RGS7BP: variants seen among roughly 807,000 people sequenced by gnomAD.
The protein encoded by RGS7BP is regulator of G protein signaling 7 binding protein, also known as regulator of G protein signaling 7-binding protein.
A neutral mutation model predicts 31.3 loss-of-function variants in RGS7BP; 9 were observed. That is an observed-to-expected ratio of 0.29 (90% confidence interval 0.17 to 0.50). The LOEUF (loss-of-function observed/expected upper bound fraction) is 0.50. Ranked by LOEUF, RGS7BP falls within the 20% of genes least tolerant of loss-of-function variation. The probability of loss-of-function intolerance (pLI) is 0.98; values close to 1 mark genes in which losing one functional copy is unlikely to be tolerated. For synonymous variants in RGS7BP, 115 were observed against 120.1 expected (o/e 0.96, Z 0.28); for missense variants, 274 against 322.0 (o/e 0.85, Z 1.14).
chr5:64,550,526 G>GAGATAC (rs200721705), intron 2 of RGS7BP, among the ~76,000 whole-genome samples: 3,382 of 150,170 alleles, frequency 0.023, 149 homozygotes, highest in African/African-American at 0.078. Context: ...TTGGTGAGGG[G>GAGATAC]ATTCAGGCCA....
At chr5:64,537,382 T>C (rs1366625603) in intron 2 of RGS7BP, among the ~76,000 whole-genome samples, 1 of 152,208 alleles carries the variant, frequency 6.6e-6, no homozygotes, top group East Asian at 1.9e-4. Flanking sequence ...GGTTACAAGC[T>C]TGGTTTAGGC....
At chr5:64,544,999 A>C (rs1194358015) in intron 2 of RGS7BP, among the ~76,000 whole-genome samples, 2 of 152,094 alleles carry the variant, frequency 1.3e-5, no homozygotes, top group African/African-American at 4.8e-5. Context: ...ACATGGCGAA[A>C]ACCCCGTCTC....
At chr5:64,508,394 G>A (rs1410053349) in intron 2 of RGS7BP, among the ~76,000 whole-genome samples, 3 of 152,114 alleles carry the variant, frequency 2.0e-5, no homozygotes, top group Non-Finnish European at 1.5e-5. Flanking sequence ...TGATAGGAAG[G>A]GGTAAGTTTT....
intron 4 of RGS7BP, among the ~76,000 whole-genome samples, chr5:64,596,402 C>G (rs1170697185): frequency 6.6e-6 from 1 of 152,206 alleles, no homozygotes; most frequent in Admixed American, 6.5e-5. Flanking sequence ...CTGGGCCCCA[C>G]TATAAGCCAA....
chr5:64,567,364 A>G (rs7708014), intron 2 of RGS7BP, among the ~76,000 whole-genome samples: 129,149 of 152,114 alleles, frequency 0.85, 55,128 homozygotes, highest in African/African-American at 0.91. Context: ...AATTATTAAA[A>G]TATTGATCAA....
In RGS7BP at chr5:64,596,349, G is replaced by T. The variant is rs535425177; in HGVS notation, c.611+1492G>T. Among the ~76,000 whole-genome samples, 16 of 152,270 alleles carry T rather than the reference G, an allele frequency of 1.1e-4. No individual in the cohort carries two copies. The South Asian group carries it at 3.3e-3, about 32-fold the overall frequency. On this transcript the variant is annotated intron_variant, in intron 4 of 5. Transcript: ENST00000334025. ...GAGATCATGGGTCTCAAACTGGACTGCACAGTTAAGTCATCAGGAGGGAAT... is the reference window on the plus strand; with the variant it reads ...GAGATCATGGGTCTCAAACTGGACTTCACAGTTAAGTCATCAGGAGGGAAT...
Position 64,565,306 on chromosome 5 carries a change from T to G in RGS7BP, c.333-10468T>G, listed in dbSNP as rs543384963. ...ACTCCAGTGTAATACATATATTATA[T>G]GCTGCTTACTTGCTCTCTCTTTCTC... is the stretch of plus-strand genomic sequence containing the variant. On this transcript the variant is annotated intron_variant, in intron 2 of 5. Coordinates refer to ENST00000334025, the MANE Select transcript of RGS7BP (RefSeq NM_001029875.3). Among the ~76,000 whole-genome samples, 23 of 152,168 alleles carry G rather than the reference T, an allele frequency of 1.5e-4. 1 individual carries two copies. In the East Asian group the frequency reaches 4.4e-3, roughly 29 times the overall value.
chr5:64,542,196 A>C (rs1224567457), intron 2 of RGS7BP, among the ~76,000 whole-genome samples: 2 of 152,206 alleles, frequency 1.3e-5, no homozygotes, highest in Non-Finnish European at 2.9e-5. Flanking sequence ...CCAACACCAG[A>C]CTTTACTAAT....
At chr5:64,575,157 T>C (rs943369364) in intron 2 of RGS7BP, among the ~76,000 whole-genome samples, 1 of 152,196 alleles carries the variant, frequency 6.6e-6, no homozygotes, top group African/African-American at 2.4e-5. Context: ...GTTCAGTGTT[T>C]ATTTAGCTTT....
At chr5:64,603,555 G>A (rs1272372656) in intron 5 of RGS7BP, among the ~76,000 whole-genome samples, 1 of 152,164 alleles carries the variant, frequency 6.6e-6, no homozygotes, top group East Asian at 1.9e-4. Context: ...TTACAAAGGG[G>A]ACTGAGATGA....
chr5:64,609,633 C>T lies in RGS7BP; in HGVS notation c.*381C>T, dbSNP rs190251699. 7.7e-4 allele frequency: 124 copies of T among 160,470 alleles called. No homozygotes were observed. Among genetic ancestry groups the T allele is most frequent in the Non-Finnish European group, 1.4e-3 (102 of 72,568 alleles). The allele number at this position is 160,470 out of a possible 1,614,324, so 9.9% of individuals were successfully genotyped here. On this transcript the variant is annotated 3_prime_UTR_variant, in exon 6 of 6. Coordinates refer to ENST00000334025, the MANE Select transcript of RGS7BP (RefSeq NM_001029875.3). ...GTATATCTATAGCTCTTGCTGATCTCATGTTAAAATTTATCGTATATGAAA... is the reference window on the plus strand; with the variant it reads ...GTATATCTATAGCTCTTGCTGATCTTATGTTAAAATTTATCGTATATGAAA...
chr5:64,531,457 G>A (rs539840226), intron 2 of RGS7BP, among the ~76,000 whole-genome samples: 3 of 152,236 alleles, frequency 2.0e-5, no homozygotes, highest in South Asian at 2.1e-4. Flanking sequence ...TTTGTTGTTC[G>A]ACATCTTCCA....
At chr5:64,534,328 G>A (rs1387580077) in intron 2 of RGS7BP, among the ~76,000 whole-genome samples, 9 of 152,154 alleles carry the variant, frequency 5.9e-5, no homozygotes, top group Admixed American at 2.6e-4. Flanking sequence ...TCAGGGCCTC[G>A]CTAGGTCACA....
At position 64,506,721 on chromosome 5, in the gene RGS7BP, T is replaced by A. The variant is rs778012716; in HGVS notation, c.97T>A (p.Trp33Arg). 1.9e-6 allele frequency: 3 copies of A among 1,609,298 alleles called. No homozygotes were observed. ...ISKPPLQSGD[W>R]ERRGSGSESA... ...CAAGCCCCCGCTGCAGAGCGGAGAT[T>A]GGGAGCGCAGGGGCAGCGGCTCCGA... Residue 33 changes from tryptophan (W) to arginine (R), a missense_variant, in exon 1 of 6, where the codon TGG becomes AGG. Coordinates refer to ENST00000334025, the MANE Select transcript of RGS7BP (RefSeq NM_001029875.3). This position sits in a 1 kb window ranked among gnomAD's most constrained non-coding sequence, Gnocchi z 4.6.
intron 3 of RGS7BP, among the ~76,000 whole-genome samples, chr5:64,577,255 G>C (rs1002582316): frequency 2.0e-5 from 3 of 151,976 alleles, no homozygotes; most frequent in Non-Finnish European, 1.5e-5. Context: ...TGGCTAACAC[G>C]GTGAAACCCA....
intron 3 of RGS7BP, among the ~76,000 whole-genome samples, chr5:64,588,908 T>A (rs916168188): frequency 6.6e-6 from 1 of 151,598 alleles, no homozygotes; most frequent in African/African-American, 2.4e-5. Context: ...TCAAGAAAAA[T>A]AGAAAACAAT....
chr5:64,607,397 G>T (rs922501807), intron 5 of RGS7BP, among the ~76,000 whole-genome samples: 1 of 152,030 alleles, frequency 6.6e-6, no homozygotes. Context: ...GGTTTTATAC[G>T]TGTAGGAAGA....
intron 4 of RGS7BP, among the ~76,000 whole-genome samples, chr5:64,597,134 C>G (rs1183372690): frequency 6.6e-6 from 1 of 152,056 alleles, no homozygotes; most frequent in Non-Finnish European, 1.5e-5. Context: ...CCCCTATGTC[C>G]TGGGGTCTCA....
At chr5:64,512,886 G>A (rs1282543599) in intron 2 of RGS7BP, among the ~76,000 whole-genome samples, 1 of 152,064 alleles carries the variant, frequency 6.6e-6, no homozygotes, top group African/African-American at 2.4e-5. Flanking sequence ...ACATAAATCA[G>A]CCTAGATTCT....
Sources: gnomAD v4.1 joint callset for allele counts (sites outside exome capture counted in the v4.1 genomes callset) on GRCh38, gnomAD v4.1.1 for gene constraint, Gnocchi (gnomAD v3.1) non-coding constraint, MANE v1.5 for transcripts, NCBI Gene and HGNC (gene_info 2026-07-23, HGNC 2026-07-21) for gene names.